SH2B3: variants seen among roughly 807,000 people sequenced by gnomAD.
The protein encoded by SH2B3 is SH2B adaptor protein 3.
Under a neutral mutation model 51.9 loss-of-function variants are expected in SH2B3, and 43 were observed. The observed-to-expected ratio is 0.83, with a 90% CI of 0.65 to 1.07. The LOEUF is 1.07. Ranked by LOEUF, SH2B3 falls within the 50% of genes least tolerant of loss-of-function variation. The probability of loss-of-function intolerance (pLI) is 0.00; values close to 1 mark genes in which losing one functional copy is unlikely to be tolerated. For missense variants in SH2B3, 952 were observed against 834.3 expected (o/e 1.14, Z -1.74); for synonymous variants, 396 against 376.0 (o/e 1.05, Z -0.62).
intron 2 of SH2B3, among the ~76,000 whole-genome samples, chr12:111,428,821 G>A (rs931420547): frequency 1.3e-5 from 2 of 152,120 alleles, no homozygotes; most frequent in Non-Finnish European, 1.5e-5. Flanking sequence ...GATTCTTCCA[G>A]GTGGCACCGC....
At position 111,407,022 on chromosome 12, in the gene SH2B3, T is replaced by C. The variant is rs1318481083; in HGVS notation, c.-28+745T>C. Among the ~76,000 whole-genome samples, 1 of 152,206 alleles carries C rather than the reference T, an allele frequency of 6.6e-6. No individual in the cohort carries two copies. On this transcript the variant is annotated intron_variant, in intron 1 of 7. Transcript: ENST00000341259. This position sits in a 1 kb window ranked among gnomAD's most constrained non-coding sequence, Gnocchi z 4.3. ...TATTTCAGAGGTCTCTGATGCCTGG[T>C]GCAGAAATCCCCTTCCCTCCCTTCC...
chr12:111,447,458 G>C lies in SH2B3; in HGVS notation c.1150G>C (p.Asp384His). The C allele has an allele frequency of 6.2e-7, 1 of 1,613,322 alleles. No homozygotes were observed. Among genetic ancestry groups the C allele is most frequent in the East Asian group, 2.2e-5 (1 of 44,812 alleles). The part of the protein sequence containing the change: ...AAQLVQLQGP[D>H]AHGVFLVRQS... ...TCAGCTGGTTCAGCTGCAGGGCCCTGATGCTCATGGAGTGTTCCTGGTGCG... is the reference window on the plus strand; with the variant it reads ...TCAGCTGGTTCAGCTGCAGGGCCCTCATGCTCATGGAGTGTTCCTGGTGCG... Residue 384 changes from aspartate (D) to histidine (H), a missense_variant, in exon 6 of 8, where the codon GAT becomes CAT. Transcript: ENST00000341259.
chr12:111,447,557 G>A lies in SH2B3; in HGVS notation c.1236+13G>A, dbSNP rs746671736. The A allele has an allele frequency of 2.6e-6, 4 of 1,555,782 alleles. No homozygotes were observed. Among genetic ancestry groups the A allele is most frequent in the Non-Finnish European group, 2.6e-6 (3 of 1,143,406 alleles). Reference sequence around the variant, plus strand: ...GGGGATAGCCAAGGTATGGGGTGGGGTGGGGTGGGGTGGGGCAGGCAGGAC... The same window carrying A: ...GGGGATAGCCAAGGTATGGGGTGGGATGGGGTGGGGTGGGGCAGGCAGGAC... On this transcript the variant is annotated intron_variant, in intron 6 of 7. Transcript: ENST00000341259.
intron 1 of SH2B3, among the ~76,000 whole-genome samples, chr12:111,412,350 A>G (rs1390946738): frequency 6.6e-6 from 1 of 151,972 alleles, no homozygotes; most frequent in Non-Finnish European, 1.5e-5. Context: ...TGGGCTGGCA[A>G]CTTCCTGCCC....
chr12:111,423,648 G>T (rs1871745403), intron 2 of SH2B3, among the ~76,000 whole-genome samples: 1 of 152,186 alleles, frequency 6.6e-6, no homozygotes, highest in Non-Finnish European at 1.5e-5. Context: ...GGGATTACAG[G>T]CGTGAGCCAC....
intron 1 of SH2B3, among the ~76,000 whole-genome samples, chr12:111,414,688 G>C (rs1342158177): frequency 1.3e-5 from 2 of 152,074 alleles, no homozygotes; most frequent in Admixed American, 6.6e-5. Context: ...GAGATCGGCT[G>C]TGGGGGTTCC....
At position 111,438,519 on chromosome 12, in the gene SH2B3, C is replaced by T. The variant is rs777822763; in HGVS notation, c.733-8234C>T. ...GGGGATGGCAGTAGGGGCAATCATCCCCTATGCCCCCCGTTACCCAGCACA... is the reference window on the plus strand; with the variant it reads ...GGGGATGGCAGTAGGGGCAATCATCTCCTATGCCCCCCGTTACCCAGCACA... On this transcript the variant is annotated intron_variant, in intron 2 of 7. Transcript: ENST00000341259. The surrounding 1 kb of genome is among the most constrained non-coding windows in gnomAD (Gnocchi z 4.2). Among the ~76,000 whole-genome samples the T allele has an allele frequency of 1.1e-4, 16 of 152,268 alleles. No individual in the cohort carries two copies. The highest frequency in any genetic ancestry group is 2.1e-4 in the Non-Finnish European group (14 of 68,008).
In SH2B3 at chr12:111,418,101, C is replaced by T. The variant is rs778662566; in HGVS notation, c.-27-18C>T. On this transcript the variant is annotated intron_variant, in intron 1 of 7. Coordinates refer to ENST00000341259, the MANE Select transcript of SH2B3 (RefSeq NM_005475.3). This position sits in a 1 kb window ranked among gnomAD's most constrained non-coding sequence, Gnocchi z 6.7. ...ACCTGCTTACTCCTTGTCGCCCCCC[C>T]ACCCACGTGTCTTTCAGCCCGGCCG... is the stretch of plus-strand genomic sequence containing the variant. 1.4e-6 allele frequency: 2 copies of T among 1,471,088 alleles called. No individual in the cohort carries two copies. Among genetic ancestry groups the T allele is most frequent in the Non-Finnish European group, 1.8e-6 (2 of 1,121,964 alleles). 91.1% of individuals were successfully genotyped at this position (1,471,088 alleles called of 1,614,324 possible).
intron 2 of SH2B3, among the ~76,000 whole-genome samples, chr12:111,419,095 G>A (rs1392117719): frequency 6.6e-6 from 1 of 152,144 alleles, no homozygotes; most frequent in Non-Finnish European, 1.5e-5. Flanking sequence ...AGGATCGCTT[G>A]AGCCCAGGAC....
At chr12:111,422,967 G>A (rs920266468) in intron 2 of SH2B3, among the ~76,000 whole-genome samples, 1 of 152,228 alleles carries the variant, frequency 6.6e-6, no homozygotes, top group African/African-American at 2.4e-5. Flanking sequence ...AAAGTGCTGG[G>A]ATTACAGGTG....
chr12:111,433,406 G>C (rs1385118917), intron 2 of SH2B3, among the ~76,000 whole-genome samples: 1 of 152,162 alleles, frequency 6.6e-6, no homozygotes, highest in Non-Finnish European at 1.5e-5. Flanking sequence ...GTTTTCTGAA[G>C]CAACTGTACC....
At position 111,418,277 on chromosome 12, in the gene SH2B3, G is replaced by C; in HGVS notation, c.132G>C (p.Gln44His). The C allele has an allele frequency of 6.5e-7, 1 of 1,540,032 alleles. No homozygotes were observed. Among genetic ancestry groups the C allele is most frequent in the Non-Finnish European group, 8.7e-7 (1 of 1,150,196 alleles). The change falls in exon 2 of 8, where the codon CAG becomes CAC. Residue 44 changes from glutamine to histidine, a missense_variant. Physicochemically the swap from Gln to His is conservative, Grantham distance 24 (BLOSUM62 0). Transcript: ENST00000341259. This position sits in a 1 kb window ranked among gnomAD's most constrained non-coding sequence, Gnocchi z 6.7. ...CGGCGGCCCGGGAGCTGGCCCGCCA[G>C]TACTGGCTGTTCGCCCGGGAGCATC... ...AVAAARELAR[Q>H]YWLFAREHPQ...
intron 2 of SH2B3, chr12:111,444,892 C>T: frequency 2.0e-6 from 2 of 985,494 alleles, no homozygotes; most frequent in Non-Finnish European, 2.4e-6. Context: ...TGATACTTGG[C>T]AGGCTTGGGT....
In SH2B3 at chr12:111,449,460, C is replaced by A. The variant is rs2135629637; in HGVS notation, c.*1158C>A. 1 of 152,292 alleles carries A rather than the reference C, an allele frequency of 6.6e-6. No individual in the cohort carries two copies. Among genetic ancestry groups the A allele is most frequent in the African/African-American group, 2.4e-5 (1 of 41,564 alleles). The allele number at this position is 152,292 out of a possible 1,614,324, so 9.4% of individuals were successfully genotyped here. A position where few individuals can be genotyped will look rare whatever the true frequency, so the allele number is the denominator to read the frequency against. On this transcript the variant is annotated 3_prime_UTR_variant, in exon 8 of 8. Transcript: ENST00000341259. ...AATAGCCCACAATCAGTGTTCTGTT[C>A]TAGCTGGCTACTGCTTCACTGGATT...
rs764749427 is a variant in SH2B3 at position 111,448,131 on chromosome 12, C to T, written c.1557C>T (p.Ser519=). 9 of 1,614,004 alleles carry T rather than the reference C, an allele frequency of 5.6e-6. No homozygotes were observed. The South Asian group carries it at 8.8e-5, about 16-fold the overall frequency. Residue 519 remains serine (S), a synonymous_variant, in exon 8 of 8, where the codon TCC becomes TCT. Transcript: ENST00000341259. ...GLSPEGLPGR[S]SPPEQIFHLV... is the part of the protein sequence containing the mutation. Reference sequence around the variant, plus strand: ...GCCCAGAGGGTCTCCCAGGGCGATCCTCACCCCCCGAGCAGATCTTCCACC... The same window carrying T: ...GCCCAGAGGGTCTCCCAGGGCGATCTTCACCCCCCGAGCAGATCTTCCACC...
Position 111,435,174 on chromosome 12 carries a change from C to T in SH2B3, c.733-11579C>T. On this transcript the variant is annotated intron_variant, in intron 2 of 7. Coordinates refer to ENST00000341259, the MANE Select transcript of SH2B3 (RefSeq NM_005475.3). The surrounding 1 kb of genome is among the most constrained non-coding windows in gnomAD (Gnocchi z 4.8). ...CATCTTTTTCCACCCACACCCGGTG[C>T]AGAGCAGATGCTTGGCCGGGGCTTC... The T allele has an allele frequency of 1.5e-6, 1 of 684,344 alleles. No individual in the cohort carries two copies. The highest frequency in any genetic ancestry group is 2.4e-6 in the Non-Finnish European group (1 of 413,418). The allele number at this position is 684,344 out of a possible 1,614,324, so 42.4% of individuals were successfully genotyped here. A position where few individuals can be genotyped will look rare whatever the true frequency, so the allele number is the denominator to read the frequency against.
At chr12:111,437,842 C>T (rs1873022173) in intron 2 of SH2B3, among the ~76,000 whole-genome samples, 1 of 152,156 alleles carries the variant, frequency 6.6e-6, no homozygotes, top group Non-Finnish European at 1.5e-5. Context: ...GTCCCAGGTA[C>T]CTACCCAAGT....
rs148791142 is a variant in SH2B3, at chr12:111,448,271, G to A, written c.1697G>A (p.Arg566Gln). The A allele has an allele frequency of 1.8e-4, 283 of 1,613,598 alleles. No homozygotes were observed. Among genetic ancestry groups the A allele is most frequent in the Non-Finnish European group, 2.2e-4 (259 of 1,179,770 alleles). ...GACTCATCCTCCCGGAGCCACCTGC[G>A]GGCCATAGACAATCAGTACACACCT... The part of the protein sequence containing the change: ...EMDSSSRSHL[R>Q]AIDNQYTPL Residue 566 changes from arginine (R) to glutamine (Q), a missense_variant, in exon 8 of 8, where the codon CGG becomes CAG. Arg to Gln is a conservative substitution (Grantham distance 43, BLOSUM62 1). Coordinates refer to ENST00000341259, the MANE Select transcript of SH2B3 (RefSeq NM_005475.3).
At chr12:111,428,042 G>C (rs1472168651) in intron 2 of SH2B3, among the ~76,000 whole-genome samples, 1 of 152,270 alleles carries the variant, frequency 6.6e-6, no homozygotes, top group Non-Finnish European at 1.5e-5. Context: ...CTTACTGTCA[G>C]TATTATTGAT....
Sources: allele counts gnomAD v4.1 joint callset (sites outside exome capture counted in the v4.1 genomes callset), GRCh38; gene constraint gnomAD v4.1.1; non-coding constraint Gnocchi (gnomAD v3.1); transcripts MANE v1.5; gene names NCBI Gene and HGNC (gene_info 2026-07-23, HGNC 2026-07-21).